Variants in GPC6 observed in about 807,000 individuals in gnomAD.
GPC6 encodes glypican 6, also known as glypican-6.
GPC6 carries 14 observed loss-of-function variants against 55.2 expected under a neutral mutation model. The observed-to-expected ratio is 0.25, with a 90% CI of 0.17 to 0.40. The LOEUF is 0.40. Among genes scored for constraint, GPC6 ranks in the 10% least tolerant of loss-of-function variants. The pLI, the probability that GPC6 is intolerant of heterozygous loss-of-function variation, is 1.00. For synonymous variants in GPC6, 278 were observed against 259.6 expected (o/e 1.07, Z -0.68); for missense variants, 641 against 708.5 (o/e 0.90, Z 1.08).
At chr13:94,141,744 A>AT (rs930863218) in intron 4 of GPC6, among the ~76,000 whole-genome samples, 13 of 152,112 alleles carry the variant, frequency 8.5e-5, no homozygotes, top group Non-Finnish European at 1.9e-4. Flanking sequence ...AAGAATCAGA[A>AT]TTTTTTTTAA....
chr13:93,563,050 A>G (rs927619491), intron 2 of GPC6, among the ~76,000 whole-genome samples: 3 of 152,204 alleles, frequency 2.0e-5, no homozygotes. Flanking sequence ...CAGCAATGGG[A>G]TTCTCAGGCA....
In GPC6 at chr13:94,267,108, A is replaced by G. The variant is rs909168465; in HGVS notation, c.878-19241A>G. Among the ~76,000 whole-genome samples the G allele has an allele frequency of 4.3e-4, 65 of 152,310 alleles. 1 individual carries two copies. The highest frequency in any genetic ancestry group is 3.9e-3 in the Admixed American group (59 of 15,306). On this transcript the variant is annotated intron_variant, in intron 4 of 8. Coordinates refer to ENST00000377047, the MANE Select transcript of GPC6 (RefSeq NM_005708.5). ...TAAAGCCCCCGTTTTCTCACCAACA[A>G]CAAAAATGGAAGTCCAGATCCAGTC...
intron 1 of GPC6, among the ~76,000 whole-genome samples, chr13:93,344,978 T>A (rs1240505090): frequency 6.6e-6 from 1 of 152,240 alleles, no homozygotes; most frequent in Admixed American, 6.5e-5. Context: ...TATGTTGATG[T>A]CATGCTTTTT....
chr13:94,226,531 CT>C (rs1348197846), intron 4 of GPC6, among the ~76,000 whole-genome samples: 1 of 152,174 alleles, frequency 6.6e-6, no homozygotes, highest in Non-Finnish European at 1.5e-5. Flanking sequence ...AAACATTACA[CT>C]GTACCCCATA....
chr13:93,689,598 T>C (rs190937633), intron 2 of GPC6, among the ~76,000 whole-genome samples: 217 of 152,202 alleles, frequency 1.4e-3, no homozygotes, highest in African/African-American at 5.1e-3. Context: ...CAGAAAAACA[T>C]GTGGCCTGTT....
chr13:93,981,138 T>A (rs1880786759), intron 3 of GPC6, among the ~76,000 whole-genome samples: 1 of 152,196 alleles, frequency 6.6e-6, no homozygotes, highest in South Asian at 2.1e-4. Context: ...AAAAGACTCT[T>A]GTCTCCTAAG....
chr13:93,626,960 A>G (rs983069621), intron 2 of GPC6, among the ~76,000 whole-genome samples: 1 of 152,092 alleles, frequency 6.6e-6, no homozygotes, highest in Non-Finnish European at 1.5e-5. Flanking sequence ...CATGTCTTAC[A>G]TGGCTGGATC....
chr13:94,016,577 G>C (rs1422650874), intron 3 of GPC6, among the ~76,000 whole-genome samples: 1 of 152,132 alleles, frequency 6.6e-6, no homozygotes, highest in African/African-American at 2.4e-5. Flanking sequence ...TTGACTGTTT[G>C]GGCATTTGCA....
intron 3 of GPC6, among the ~76,000 whole-genome samples, chr13:93,925,426 T>G (rs1877806333): frequency 6.6e-6 from 1 of 152,292 alleles, no homozygotes; most frequent in Admixed American, 6.5e-5. Flanking sequence ...AATGAATCTA[T>G]TTGTAGCATG....
At chr13:93,596,610 A>AATAAAT (rs896477759) in intron 2 of GPC6, among the ~76,000 whole-genome samples, 4 of 132,870 alleles carry the variant, frequency 3.0e-5, no homozygotes, top group African/African-American at 1.2e-4. Flanking sequence ...TAAATAAATA[A>AATAAAT]ATATATATAT....
rs1312255462 is a variant in GPC6 at position 93,830,195 on chromosome 13, A to C, written c.361A>C (p.Asn121His). 5 of 1,607,304 alleles carry C rather than the reference A, an allele frequency of 3.1e-6. No homozygotes were observed. Among genetic ancestry groups the C allele is most frequent in the Non-Finnish European group, 1.7e-6 (2 of 1,176,352 alleles). Residue 121 changes from asparagine to histidine, a missense_variant, in exon 3 of 9, where the codon AAT becomes CAT. By Grantham distance (68) the Asn-to-His change is moderately conservative (BLOSUM62 1). Coordinates refer to ENST00000377047, the MANE Select transcript of GPC6 (RefSeq NM_005708.5). Reference protein sequence around the residue: ...ELLENAEKSLNDMFVRTYGML... With the variant: ...ELLENAEKSLHDMFVRTYGML... ...CCTGGAGAATGCAGAAAAGTCACTA[A>C]ATGATATGTTTGTACGGACCTATGG...
chr13:93,727,554 G>A (rs919565885), intron 2 of GPC6, among the ~76,000 whole-genome samples: 1 of 152,048 alleles, frequency 6.6e-6, no homozygotes, highest in Non-Finnish European at 1.5e-5. Context: ...GATAATAAAT[G>A]TTTTGGGCTT....
intron 4 of GPC6, among the ~76,000 whole-genome samples, chr13:94,251,925 AT>A (rs2139038405): frequency 6.6e-6 from 1 of 152,216 alleles, no homozygotes; most frequent in Admixed American, 6.5e-5. Context: ...CTAGGTCTAC[AT>A]CACAGCTGTG....
intron 1 of GPC6, among the ~76,000 whole-genome samples, chr13:93,449,485 T>C (rs1566363468): frequency 6.9e-6 from 1 of 144,136 alleles, no homozygotes; most frequent in Admixed American, 6.8e-5. Flanking sequence ...CTGCACTCCA[T>C]GGATACAAAT....
intron 5 of GPC6, among the ~76,000 whole-genome samples, chr13:94,294,910 A>C (rs1875242579): frequency 6.6e-6 from 1 of 152,164 alleles, no homozygotes; most frequent in Non-Finnish European, 1.5e-5. Flanking sequence ...TTTGAGGACA[A>C]GAGTTACATC....
At chr13:93,543,019 C>T (rs931133244) in intron 1 of GPC6, among the ~76,000 whole-genome samples, 3 of 152,090 alleles carry the variant, frequency 2.0e-5, no homozygotes, top group Non-Finnish European at 4.4e-5. Context: ...ATTTTATTTC[C>T]TTCTGCTGCC....
At chr13:93,427,402 G>C (rs895503676) in intron 1 of GPC6, among the ~76,000 whole-genome samples, 46 of 151,410 alleles carry the variant, frequency 3.0e-4, no homozygotes, top group South Asian at 8.4e-4. Flanking sequence ...CCAAAACAGA[G>C]ATATAGATCA....
chr13:93,751,649 G>A (rs2138863438), intron 2 of GPC6, among the ~76,000 whole-genome samples: 1 of 152,126 alleles, frequency 6.6e-6, no homozygotes, highest in South Asian at 2.1e-4. Flanking sequence ...TGCCTCCCAA[G>A]TAGCTGAGAC....
At chr13:94,292,668 A>G (rs1440417283) in intron 5 of GPC6, among the ~76,000 whole-genome samples, 1 of 152,168 alleles carries the variant, frequency 6.6e-6, no homozygotes, top group Non-Finnish European at 1.5e-5. Flanking sequence ...GGTGAACACA[A>G]CACAGTTTCA....
Sources: gnomAD v4.1 joint callset for allele counts (sites outside exome capture counted in the v4.1 genomes callset) on GRCh38, gnomAD v4.1.1 for gene constraint, MANE v1.5 for transcripts, NCBI Gene and HGNC (gene_info 2026-07-23, HGNC 2026-07-21) for gene names.